The following DTNA variants were observed in gnomAD, a reference collection of about 807,000 sequenced individuals.
DTNA encodes dystrobrevin alpha, also known as dystrophin-related protein 3.
Under a neutral mutation model 100.7 loss-of-function variants are expected in DTNA, and 43 were observed. The ratio of observed to expected loss-of-function variants is 0.43; its 90% CI spans 0.33 to 0.55. The LOEUF (loss-of-function observed/expected upper bound fraction) is 0.55. DTNA is among the 20% of genes least tolerant of loss of function. DTNA has a pLI of 0.04. For synonymous variants in DTNA, 349 were observed against 347.9 expected (o/e 1.00, Z -0.04); for missense variants, 798 against 953.9 (o/e 0.84, Z 2.15).
intron 1 of DTNA, among the ~76,000 whole-genome samples, chr18:34,539,476 C>A (rs2044042131): frequency 6.6e-6 from 1 of 151,866 alleles, no homozygotes; most frequent in African/African-American, 2.4e-5. Context: ...TAGGGGCAAT[C>A]TAAATTTCCA....
intron 1 of DTNA, among the ~76,000 whole-genome samples, chr18:34,739,150 G>A (rs1004754445): frequency 6.6e-6 from 1 of 152,066 alleles, no homozygotes; most frequent in Admixed American, 6.6e-5. Context: ...AAATATGCCT[G>A]GCTGATTCTC....
At position 34,887,756 on chromosome 18, in the gene DTNA, T is replaced by C. The variant is rs1435845787; in HGVS notation, c.*32-10T>C. The C allele has an allele frequency of 4.1e-6, 4 of 985,374 alleles. No individual in the cohort carries two copies. Among genetic ancestry groups the C allele is most frequent in the Admixed American group, 6.1e-5 (1 of 16,262 alleles). 61.0% of individuals were successfully genotyped at this position (985,374 alleles called of 1,614,324 possible). A position where few individuals can be genotyped will look rare whatever the true frequency, so the allele number is the denominator to read the frequency against. On this transcript the variant is annotated splice_polypyrimidine_tract_variant and intron_variant, in intron 22 of 22. Coordinates refer to ENST00000444659, the MANE Select transcript of DTNA (RefSeq NM_001386795.1). ...ATCTTTAAAAAAAATTACACATTCCTTATTCCCAGGCAAGCTATAGTCAGA... is the reference window on the plus strand; with the variant it reads ...ATCTTTAAAAAAAATTACACATTCCCTATTCCCAGGCAAGCTATAGTCAGA...
intron 1 of DTNA, chr18:34,737,779 G>A (rs909970414): frequency 6.6e-6 from 1 of 152,152 alleles, no homozygotes; most frequent in African/African-American, 2.4e-5. Context: ...TAAGCCACGT[G>A]ACCCGGCTGT....
intron 15 of DTNA, among the ~76,000 whole-genome samples, chr18:34,855,984 T>G (rs914241737): frequency 6.6e-6 from 1 of 152,194 alleles, no homozygotes; most frequent in African/African-American, 2.4e-5. Context: ...TGAAGCACCA[T>G]GAAGGCCCCA....
At chr18:34,666,973 G>T (rs1406298931) in intron 1 of DTNA, among the ~76,000 whole-genome samples, 6 of 152,142 alleles carry the variant, frequency 3.9e-5, no homozygotes, top group African/African-American at 1.4e-4. Flanking sequence ...GTCATTGGTA[G>T]CTTGATGGGG....
At chr18:34,771,519 T>TA (rs928676988) in intron 3 of DTNA, among the ~76,000 whole-genome samples, 8 of 152,176 alleles carry the variant, frequency 5.3e-5, no homozygotes, top group Admixed American at 1.3e-4. Context: ...AACACACTTG[T>TA]AAAAAACCCA....
At chr18:34,527,368 A>G (rs973576965) in intron 1 of DTNA, among the ~76,000 whole-genome samples, 1 of 152,074 alleles carries the variant, frequency 6.6e-6, no homozygotes, top group Non-Finnish European at 1.5e-5. Context: ...GTCCCATACA[A>G]AAGCATATTT....
intron 1 of DTNA, among the ~76,000 whole-genome samples, chr18:34,678,453 C>T (rs565343172): frequency 7.2e-4 from 109 of 152,154 alleles, no homozygotes; most frequent in African/African-American, 2.6e-3. Context: ...TCCTTCCATC[C>T]CTTCCCTTTC....
chr18:34,553,559 A>G (rs2045690955), intron 1 of DTNA, among the ~76,000 whole-genome samples: 1 of 152,090 alleles, frequency 6.6e-6, no homozygotes, highest in Non-Finnish European at 1.5e-5. Flanking sequence ...TTTTTGTATA[A>G]GGTGTAAGGA....
At position 34,774,394 on chromosome 18, in the gene DTNA, G is replaced by A. The variant is rs189826673; in HGVS notation, c.148+8353G>A. On this transcript the variant is annotated intron_variant, in intron 3 of 22. Transcript: ENST00000444659. ...AAACAGAAGTCAGTCGGGAGGACAGGGATGGGAGAGCAGCTTCTCCCATGA... is the reference window on the plus strand; with the variant it reads ...AAACAGAAGTCAGTCGGGAGGACAGAGATGGGAGAGCAGCTTCTCCCATGA... Among the ~76,000 whole-genome samples the A allele has an allele frequency of 2.4e-4, 37 of 152,326 alleles. 1 individual carries two copies. The East Asian group carries it at 6.6e-3, about 27-fold the overall frequency.
chr18:34,854,807 C>A (rs1455560952), intron 15 of DTNA, among the ~76,000 whole-genome samples: 1 of 152,136 alleles, frequency 6.6e-6, no homozygotes, highest in Non-Finnish European at 1.5e-5. Context: ...CAGTAAGAAA[C>A]CTGGGTTTTT....
intron 1 of DTNA, among the ~76,000 whole-genome samples, chr18:34,729,621 A>G (rs2087595439): frequency 6.6e-6 from 1 of 152,146 alleles, no homozygotes; most frequent in Non-Finnish European, 1.5e-5. Flanking sequence ...TTAACACTCA[A>G]ATTTTTAAAA....
At chr18:34,740,812 A>AG (rs1299104128) in intron 1 of DTNA, among the ~76,000 whole-genome samples, 3 of 151,836 alleles carry the variant, frequency 2.0e-5, no homozygotes, top group African/African-American at 7.3e-5. Flanking sequence ...AGGAAAAAAA[A>AG]AAAAGAAAAG....
chr18:34,592,925 G>A (rs932850394), intron 1 of DTNA, among the ~76,000 whole-genome samples: 1 of 152,146 alleles, frequency 6.6e-6, no homozygotes, highest in Admixed American at 6.5e-5. Flanking sequence ...GTGTACCTGG[G>A]AAGTTATTCA....
intron 1 of DTNA, among the ~76,000 whole-genome samples, chr18:34,505,859 A>G (rs920802085): frequency 2.6e-5 from 4 of 152,262 alleles, no homozygotes; most frequent in South Asian, 4.1e-4. Context: ...TCTTTCATTC[A>G]GTTTGAAATC....
At chr18:34,579,787 A>C (rs2579802) in intron 1 of DTNA, among the ~76,000 whole-genome samples, 15,927 of 151,946 alleles carry the variant, frequency 0.1, 869 homozygotes, top group South Asian at 0.12. Flanking sequence ...TTGTTTGTTT[A>C]GTTGTTTGTT....
At chr18:34,695,559 A>G (rs770555494) in intron 1 of DTNA, among the ~76,000 whole-genome samples, 2 of 152,212 alleles carry the variant, frequency 1.3e-5, no homozygotes, top group Non-Finnish European at 2.9e-5. Flanking sequence ...AAGCATTGAC[A>G]TTAGTTTCAG....
chr18:34,822,152 T>C (rs1786598), intron 9 of DTNA, among the ~76,000 whole-genome samples: 1 of 152,100 alleles, frequency 6.6e-6, no homozygotes, highest in Non-Finnish European at 1.5e-5. Context: ...GGCTAGCTTA[T>C]TTTTGGAAAT....
At chr18:34,501,269 A>G (rs1432564652) in intron 1 of DTNA, among the ~76,000 whole-genome samples, 3 of 152,184 alleles carry the variant, frequency 2.0e-5, no homozygotes, top group Admixed American at 6.5e-5. Flanking sequence ...ACATTGATCA[A>G]TTTTTAACTA....
Sources: gnomAD v4.1 joint callset for allele counts (sites outside exome capture counted in the v4.1 genomes callset) on GRCh38, gnomAD v4.1.1 for gene constraint, MANE v1.5 for transcripts, NCBI Gene and HGNC (gene_info 2026-07-23, HGNC 2026-07-21) for gene names.